The following ZMIZ1 variants were observed in gnomAD, a reference collection of about 807,000 sequenced individuals.
The protein encoded by ZMIZ1 is zinc finger MIZ domain-containing protein 1.
ZMIZ1 carries 17 observed loss-of-function variants against 113.9 expected under a neutral mutation model. The observed-to-expected ratio is 0.15, with a 90% confidence interval of 0.10 to 0.22. ZMIZ1 has a LOEUF of 0.22. ZMIZ1 is among the 10% of genes least tolerant of loss of function. The pLI is 1.00. For synonymous variants in ZMIZ1, 607 were observed against 603.1 expected (o/e 1.01, Z -0.09); for missense variants, 1,059 against 1,477.8 (o/e 0.72, Z 4.65).
intron 7 of ZMIZ1, among the ~76,000 whole-genome samples, chr10:79,233,913 T>C (rs1186194432): frequency 6.6e-6 from 1 of 152,164 alleles, no homozygotes; most frequent in Non-Finnish European, 1.5e-5. Flanking sequence ...GCAGGGGCTC[T>C]AGTGAAGTTG....
At chr10:79,099,387 G>A (rs1843279790) in intron 1 of ZMIZ1, among the ~76,000 whole-genome samples, 1 of 152,068 alleles carries the variant, frequency 6.6e-6, no homozygotes. Context: ...CCTCCCCATG[G>A]CTCCACACAA....
At chr10:79,123,751 C>T (rs1365921634) in intron 2 of ZMIZ1, among the ~76,000 whole-genome samples, 1 of 152,236 alleles carries the variant, frequency 6.6e-6, no homozygotes, top group Non-Finnish European at 1.5e-5. Context: ...AGGCTGCCGG[C>T]ATGCACACCC....
chr10:79,201,454 G>A, intron 4 of ZMIZ1, 130 bp from the exon 5 acceptor site: 1 of 685,476 alleles, frequency 1.5e-6, no homozygotes, highest in Non-Finnish European at 2.5e-6. Context: ...GGTACCCCAG[G>A]TGCAGCCCCA....
At chr10:79,303,899 GGGA>G in intron 18 of ZMIZ1, 113 bp from the exon 19 acceptor site, 1 of 1,435,220 alleles carries the variant, frequency 7.0e-7, no homozygotes, top group Non-Finnish European at 9.5e-7. Flanking sequence ...GGTGTGGGCT[GGGA>G]GGAGAACCAG....
intron 7 of ZMIZ1, among the ~76,000 whole-genome samples, chr10:79,230,829 TCTC>T (rs1849366691): frequency 6.6e-6 from 1 of 152,052 alleles, no homozygotes; most frequent in South Asian, 2.1e-4. Context: ...TGTGCCTAGT[TCTC>T]CTCCCTCTCC....
At chr10:79,109,600 C>G (rs763115214) in intron 1 of ZMIZ1, among the ~76,000 whole-genome samples, 1 of 152,196 alleles carries the variant, frequency 6.6e-6, no homozygotes, top group Non-Finnish European at 1.5e-5. Flanking sequence ...ACACTGGGTT[C>G]CTGATCCACC....
At chr10:79,086,399 C>G (rs1318657141) in intron 1 of ZMIZ1, among the ~76,000 whole-genome samples, 1 of 152,244 alleles carries the variant, frequency 6.6e-6, no homozygotes. Flanking sequence ...CTTGAATGAT[C>G]AAGTGAAAGC....
intron 7 of ZMIZ1, among the ~76,000 whole-genome samples, chr10:79,272,920 G>C (rs1235837444): frequency 6.6e-6 from 1 of 152,216 alleles, no homozygotes; most frequent in Non-Finnish European, 1.5e-5. Context: ...CATGAGGTGA[G>C]CTGGAAGGCC....
chr10:79,073,479 A>G (rs1842364447), intron 1 of ZMIZ1, among the ~76,000 whole-genome samples: 1 of 152,178 alleles, frequency 6.6e-6, no homozygotes, highest in Non-Finnish European at 1.5e-5. Context: ...CTCTGCCTTC[A>G]GTGGGCAGTT....
chr10:79,185,009 G>A lies in ZMIZ1; in HGVS notation c.-49-16575G>A, dbSNP rs550877014. Among the ~76,000 whole-genome samples, 5 of 152,310 alleles carry A rather than the reference G, an allele frequency of 3.3e-5. No individual in the cohort carries two copies. In the South Asian group the frequency reaches 6.2e-4, roughly 19 times the overall value. On this transcript the variant is annotated intron_variant, in intron 4 of 24. Coordinates refer to ENST00000334512, the MANE Select transcript of ZMIZ1 (RefSeq NM_020338.4). Reference sequence around the variant, plus strand: ...TTGCACAAGTGCAGGCAGGAGAGACGGGGACCAGAGCCCATATTTTTGCAG... The same window carrying A: ...TTGCACAAGTGCAGGCAGGAGAGACAGGGACCAGAGCCCATATTTTTGCAG...
intron 17 of ZMIZ1, among the ~76,000 whole-genome samples, chr10:79,301,374 G>A (rs1314272898): frequency 3.9e-5 from 6 of 151,934 alleles, no homozygotes; most frequent in East Asian, 1.9e-4. Context: ...GAGTTAACGC[G>A]TTCCCTTCTT....
chr10:79,204,018 C>T (rs1366694889), intron 5 of ZMIZ1, among the ~76,000 whole-genome samples: 3 of 152,236 alleles, frequency 2.0e-5, no homozygotes, highest in East Asian at 3.8e-4. Flanking sequence ...CCCACATCTC[C>T]GGTCAGACAC....
chr10:79,207,422 G>A (rs976139207), intron 5 of ZMIZ1, among the ~76,000 whole-genome samples: 3 of 152,156 alleles, frequency 2.0e-5, no homozygotes, highest in East Asian at 3.9e-4. Flanking sequence ...CACATCTTTT[G>A]TCTCCTGGAC....
At chr10:79,138,925 AGT>A (rs1276184381) in intron 2 of ZMIZ1, among the ~76,000 whole-genome samples, 1 of 152,236 alleles carries the variant, frequency 6.6e-6, no homozygotes, top group Non-Finnish European at 1.5e-5. Context: ...CATTAAATTA[AGT>A]CATCACACAG....
chr10:79,241,429 A>G (rs1041396138), intron 7 of ZMIZ1, among the ~76,000 whole-genome samples: 20 of 152,242 alleles, frequency 1.3e-4, no homozygotes, highest in African/African-American at 4.6e-4. Context: ...AGGAGATGAG[A>G]TGGAGGTGAG....
chr10:79,297,483 A>G, intron 13 of ZMIZ1, 130 bp from the exon 14 acceptor site: 2 of 770,004 alleles, frequency 2.6e-6, no homozygotes, highest in Non-Finnish European at 4.6e-6. Context: ...CTGCTCACTC[A>G]ATATACCCAG....
chr10:79,114,169 C>T (rs918551807), intron 1 of ZMIZ1, among the ~76,000 whole-genome samples: 3 of 152,156 alleles, frequency 2.0e-5, no homozygotes, highest in Non-Finnish European at 4.4e-5. Context: ...CCCAGGTTGC[C>T]GGAGTGATCA....
intron 1 of ZMIZ1, among the ~76,000 whole-genome samples, chr10:79,082,718 G>A (rs1160676042): frequency 3.3e-5 from 5 of 152,238 alleles, no homozygotes; most frequent in Admixed American, 2.6e-4. Context: ...AGTGAAGGAC[G>A]ATGGGGGACA....
At chr10:79,134,329 G>A (rs1844901166) in intron 2 of ZMIZ1, among the ~76,000 whole-genome samples, 1 of 151,846 alleles carries the variant, frequency 6.6e-6, no homozygotes, top group Admixed American at 6.5e-5. Context: ...CAGCAAAACA[G>A]TGACCAGGGA....
Sources: allele counts gnomAD v4.1 joint callset (sites outside exome capture counted in the v4.1 genomes callset), GRCh38; gene constraint gnomAD v4.1.1; transcripts MANE v1.5; gene names NCBI Gene and HGNC (gene_info 2026-07-23, HGNC 2026-07-21).